APOC3: variants seen among roughly 807,000 people sequenced by gnomAD.
APOC3 encodes apolipoprotein C3, also known as apolipoprotein C-III.
In APOC3, 6 loss-of-function variants were observed where a neutral mutation model predicts 7.3. That is an observed-to-expected ratio of 0.82 (90% CI 0.45 to 1.61). The LOEUF is 1.61. APOC3 is among the 40% of genes most tolerant of loss of function. APOC3 has a pLI of 0.01. For missense variants in APOC3, 123 were observed against 124.9 expected (o/e 0.98, Z 0.07); for synonymous variants, 45 against 51.2 (o/e 0.88, Z 0.52).
chr11:116,831,753 A>G lies in APOC3; in HGVS notation c.179+857A>G, dbSNP rs181473925. Reference sequence around the variant, plus strand: ...CAGTTTTGTGGTGGACAATTTTTCCATGGGCCAGCGGGGATGGTTTTGGGA... The same window carrying G: ...CAGTTTTGTGGTGGACAATTTTTCCGTGGGCCAGCGGGGATGGTTTTGGGA... On this transcript the variant is annotated intron_variant, in intron 3 of 3. Coordinates refer to ENST00000227667, the MANE Select transcript of APOC3 (RefSeq NM_000040.3). 1.6e-3 allele frequency among the ~76,000 whole-genome samples: 243 copies of G among 152,212 alleles called. 1 individual carries two copies. The highest frequency in any genetic ancestry group is 5.5e-3 in the African/African-American group (230 of 41,526).
At chr11:116,832,000 C>G (rs1941468228) in intron 3 of APOC3, among the ~76,000 whole-genome samples, 1 of 152,246 alleles carries the variant, frequency 6.6e-6, no homozygotes, top group Admixed American at 6.5e-5. Flanking sequence ...CAGTACCTAT[C>G]TATGACTTGG....
chr11:116,831,267 TTTCC>T (rs1232488204), intron 3 of APOC3, among the ~76,000 whole-genome samples: 2,098 of 48,402 alleles, frequency 0.043, 34 homozygotes, highest in East Asian at 0.083. Context: ...CCTTTCTTTC[TTTCC>T]TTTCTTTCTT....
In APOC3 at chr11:116,830,787, G is replaced by C; in HGVS notation, c.70G>C (p.Glu24Gln). The C allele has an allele frequency of 3.7e-6, 6 of 1,613,328 alleles. No individual in the cohort carries two copies. The highest frequency in any genetic ancestry group is 5.1e-6 in the Non-Finnish European group (6 of 1,179,958). The change falls in exon 3 of 4, where the codon GAG (glutamate) becomes CAG (glutamine). Residue 24 changes from glutamate (E) to glutamine (Q), a missense_variant. Physicochemically the swap from Glu to Gln is conservative, Grantham distance 29 (BLOSUM62 2). Transcript: ENST00000227667. Reference sequence around the variant, plus strand: ...TCTTTCCTCAGGAGCTTCAGAGGCCGAGGATGCCTCCCTTCTCAGCTTCAT... The same window carrying C: ...TCTTTCCTCAGGAGCTTCAGAGGCCCAGGATGCCTCCCTTCTCAGCTTCAT... ...LLASARASEA[E>Q]DASLLSFMQG...
chr11:116,830,476 C>T (rs923622305), intron 1 of APOC3, 94 bp from the exon 2 acceptor site: 2 of 1,346,622 alleles, frequency 1.5e-6, no homozygotes, highest in African/African-American at 2.9e-5. Context: ...GCAGACCCAG[C>T]TAAGGTTCTA....
chr11:116,831,573 C>A (rs1941461279), intron 3 of APOC3, among the ~76,000 whole-genome samples: 1 of 152,004 alleles, frequency 6.6e-6, no homozygotes, highest in South Asian at 2.1e-4. Context: ...CCATGTTGGC[C>A]AGGTTGGTCT....
At position 116,832,893 on chromosome 11, in the gene APOC3, T is replaced by C. The variant is rs1369165982; in HGVS notation, c.*9T>C. On this transcript the variant is annotated 3_prime_UTR_variant, in exon 4 of 4. Transcript: ENST00000227667. ...CAGCCGTGGCTGCCTGAGACCTCAA[T>C]ACCCCAAGTCCACCTGCCTATCCAT... is the stretch of plus-strand genomic sequence containing the variant. 3 of 1,613,602 alleles carry C rather than the reference T, an allele frequency of 1.9e-6. No homozygotes were observed. The highest frequency in any genetic ancestry group is 2.5e-6 in the Non-Finnish European group (3 of 1,180,008).
chr11:116,830,494 G>A (rs1188152252), intron 1 of APOC3, 76 bp from the exon 2 acceptor site: 2 of 1,518,890 alleles, frequency 1.3e-6, no homozygotes, highest in Middle Eastern at 1.7e-4. Context: ...CTACCTTAGG[G>A]GCCACGCCAC....
At chr11:116,830,429 G>A (rs1941432598) in intron 1 of APOC3, 141 bp from the exon 2 acceptor site, 6 of 829,434 alleles carry the variant, frequency 7.2e-6, no homozygotes, top group Non-Finnish European at 1.2e-5. Flanking sequence ...CCTTCTGAGA[G>A]CCCGTATTAG....
Position 116,830,779 on chromosome 11 carries a change from C to G in APOC3, c.62C>G (p.Ser21Ter). 1 of 1,613,402 alleles carries G rather than the reference C, an allele frequency of 6.2e-7. No homozygotes were observed. The highest frequency in any genetic ancestry group is 8.5e-7 in the Non-Finnish European group (1 of 1,179,982). Reference protein sequence around the residue: ...LLALLASARASEAEDASLLSF... With the variant: ...LLALLASARA ...AGCCCTGCTCTTTCCTCAGGAGCTT[C>G]AGAGGCCGAGGATGCCTCCCTTCTC... Residue 21 changes from serine (S) to a stop codon, truncating the protein, a stop_gained, in exon 3 of 4, where the codon TCA (serine) becomes TGA (stop). Transcript: ENST00000227667. LOFTEE classifies it high-confidence loss of function.
chr11:116,830,474 A>T, intron 1 of APOC3, 96 bp from the exon 2 acceptor site: 7 of 1,286,314 alleles, frequency 5.4e-6, no homozygotes, highest in South Asian at 1.2e-5. Context: ...TGGCAGACCC[A>T]GCTAAGGTTC....
intron 3 of APOC3, among the ~76,000 whole-genome samples, chr11:116,832,467 C>G (rs956062186): frequency 5.9e-5 from 9 of 152,368 alleles, no homozygotes; most frequent in Middle Eastern, 3.4e-3. Flanking sequence ...CAGCCTTGAC[C>G]TTTCACATCT....
Position 116,830,687 on chromosome 11 carries a change from G to A in APOC3, c.55+50G>A, listed in dbSNP as rs774196233. 5 of 1,613,170 alleles carry A rather than the reference G, an allele frequency of 3.1e-6. No individual in the cohort carries two copies. The Admixed American group carries it at 5.0e-5, about 16-fold the overall frequency. On this transcript the variant is annotated intron_variant, in intron 2 of 3. Transcript: ENST00000227667. ...GGGGGCAGGGTGGAGGCAACTTGGG[G>A]ATCCCAGTCCCAATGGGTGGTCAAG...
rs1374818631 is a variant in APOC3, at chr11:116,830,886, C to T, written c.169C>T (p.Gln57Ter). ...LSSVQESQVAQQARGWVTDGF... is the reference protein window; with the variant it reads ...LSSVQESQVA ...CAGCGTGCAGGAGTCCCAGGTGGCC[C>T]AGCAGGCCAGGTACACCCGCTGGCC... The change falls in exon 3 of 4, where the codon CAG (glutamine) becomes TAG (stop). Residue 57 changes from glutamine (Q) to a stop codon, truncating the protein, a stop_gained. Transcript: ENST00000227667. LOFTEE classifies it high-confidence loss of function. The T allele has an allele frequency of 3.7e-6, 6 of 1,612,704 alleles. No individual in the cohort carries two copies. The highest frequency in any genetic ancestry group is 1.3e-5 in the African/African-American group (1 of 74,872).
intron 3 of APOC3, 100 bp downstream of exon 3, chr11:116,830,996 C>T: frequency 7.0e-7 from 1 of 1,431,766 alleles, no homozygotes; most frequent in Non-Finnish European, 9.5e-7. Context: ...GGAGGTGCTC[C>T]AGCCTCCCCT....
Position 116,832,829 on chromosome 11 carries a change from C to T in APOC3, c.245C>T (p.Ser82Phe). Residue 82 changes from serine (S) to phenylalanine (F), a missense_variant, in exon 4 of 4, where the codon TCT becomes TTT. Physicochemically the swap from Ser to Phe is radical, Grantham distance 155 (BLOSUM62 -2). Coordinates refer to ENST00000227667, the MANE Select transcript of APOC3 (RefSeq NM_000040.3). Reference sequence around the variant, plus strand: ...TGGAGCACCGTTAAGGACAAGTTCTCTGAGTTCTGGGATTTGGACCCTGAG... The same window carrying T: ...TGGAGCACCGTTAAGGACAAGTTCTTTGAGTTCTGGGATTTGGACCCTGAG... ...DYWSTVKDKF[S>F]EFWDLDPEVR... The T allele has an allele frequency of 6.2e-7, 1 of 1,614,132 alleles. No homozygotes were observed. The highest frequency in any genetic ancestry group is 8.5e-7 in the Non-Finnish European group (1 of 1,180,036).
intron 3 of APOC3, 148 bp downstream of exon 3, chr11:116,831,044 G>A (rs1941441175): frequency 1.1e-6 from 1 of 938,614 alleles, no homozygotes; most frequent in Non-Finnish European, 1.6e-6. Flanking sequence ...TCCTCACAGG[G>A]CCTTTGTCAG....
intron 3 of APOC3, 87 bp from the exon 4 acceptor site, chr11:116,832,677 G>A (rs900289047): frequency 3.1e-6 from 5 of 1,593,598 alleles, no homozygotes; most frequent in South Asian, 1.1e-5. Flanking sequence ...GACTGGTGTC[G>A]TCCAGTGGGG....
In APOC3 at chr11:116,832,935, G is replaced by A; in HGVS notation, c.*51G>A. On this transcript the variant is annotated 3_prime_UTR_variant, in exon 4 of 4. Coordinates refer to ENST00000227667, the MANE Select transcript of APOC3 (RefSeq NM_000040.3). ...CCTATCCATCCTGCGAGCTCCTTGG[G>A]TCCTGCAATCTCCAGGGCTGCCCCT... is the stretch of plus-strand genomic sequence containing the variant. 1 of 1,612,534 alleles carries A rather than the reference G, an allele frequency of 6.2e-7. No individual in the cohort carries two copies. The highest frequency in any genetic ancestry group is 8.5e-7 in the Non-Finnish European group (1 of 1,179,820).
At chr11:116,831,166 C>CCCTTT (rs1555055820) in intron 3 of APOC3, 5 of 332,732 alleles carry the variant, frequency 1.5e-5, no homozygotes, top group African/African-American at 1.4e-4. Context: ...ATTTTCCTTT[C>CCCTTT]CTTTCCCTTT....
Sources: allele counts gnomAD v4.1 joint callset (sites outside exome capture counted in the v4.1 genomes callset), GRCh38; gene constraint gnomAD v4.1.1; transcripts MANE v1.5; gene names NCBI Gene and HGNC (gene_info 2026-07-23, HGNC 2026-07-21).